Variants in ADAMTS9 observed in about 807,000 individuals in gnomAD.
The protein encoded by ADAMTS9 is ADAM metallopeptidase with thrombospondin type 1 motif 9.
Under a neutral mutation model 257.1 loss-of-function variants are expected in ADAMTS9, and 107 were observed. The ratio of observed to expected loss-of-function variants is 0.42; its 90% CI spans 0.36 to 0.49. The LOEUF (loss-of-function observed/expected upper bound fraction) is 0.49, where lower values mean the gene tolerates loss of function less well. Ranked by LOEUF, ADAMTS9 falls within the 20% of genes least tolerant of loss-of-function variation. The pLI is 0.03. For missense variants in ADAMTS9, 2,353 were observed against 2,469.1 expected, an observed-to-expected ratio of 0.95 and a Z score of 1.00; for synonymous variants, 982 against 880.9, an observed-to-expected ratio of 1.11 and a Z score of -2.03.
intron 3 of ADAMTS9, among the ~76,000 whole-genome samples, chr3:64,669,428 T>C (rs1458756046): frequency 6.6e-6 from 1 of 152,170 alleles, no homozygotes; most frequent in African/African-American, 2.4e-5. Flanking sequence ...GTAAGAGGCC[T>C]GTGTTCAATT....
intron 16 of ADAMTS9, among the ~76,000 whole-genome samples, chr3:64,629,593 G>A (rs572170068): frequency 1.3e-5 from 2 of 152,304 alleles, no homozygotes; most frequent in East Asian, 3.9e-4. Flanking sequence ...TTGGTATCCC[G>A]ATTTGCCTTA....
intron 28 of ADAMTS9, among the ~76,000 whole-genome samples, chr3:64,579,436 T>A (rs1272322212): frequency 6.6e-6 from 1 of 152,198 alleles, no homozygotes; most frequent in African/African-American, 2.4e-5. Context: ...CTCCTATCCT[T>A]CTTCCCTAAT....
At chr3:64,598,385 A>G (rs1559784659) in intron 26 of ADAMTS9, among the ~76,000 whole-genome samples, 1 of 149,360 alleles carries the variant, frequency 6.7e-6, no homozygotes, top group Admixed American at 6.7e-5. Context: ...TGGTGCGATC[A>G]CAGGTTACTA....
At chr3:64,560,887 A>G (rs2083409466) in intron 30 of ADAMTS9, among the ~76,000 whole-genome samples, 1 of 151,792 alleles carries the variant, frequency 6.6e-6, no homozygotes, top group Admixed American at 6.6e-5. Flanking sequence ...CCCCTTTTCT[A>G]CAGTTTAATC....
At chr3:64,631,679 G>A (rs1010357616) in intron 15 of ADAMTS9, 129 bp from the exon 16 acceptor site, 16 of 1,167,982 alleles carry the variant, frequency 1.4e-5, no homozygotes, top group East Asian at 2.4e-5. Flanking sequence ...CCTTCTAGTC[G>A]ATGGATAATC....
chr3:64,633,953 A>G (rs1244911130), intron 12 of ADAMTS9, 74 bp from the exon 13 acceptor site: 2 of 1,339,348 alleles, frequency 1.5e-6, no homozygotes, highest in South Asian at 2.8e-5. Flanking sequence ...TCCTTCATTC[A>G]TGACTTCCTG....
intron 3 of ADAMTS9, among the ~76,000 whole-genome samples, chr3:64,673,113 C>G (rs369283911): frequency 2.1e-5 from 3 of 141,234 alleles, no homozygotes; most frequent in East Asian, 4.0e-4. Context: ...AGGTTTGTGT[C>G]AGTGCACTCT....
intron 37 of ADAMTS9, among the ~76,000 whole-genome samples, chr3:64,534,778 G>T (rs1386064134): frequency 5.2e-3 from 3 of 572 alleles, no homozygotes; most frequent in Middle Eastern, 0.12. Flanking sequence ...CACAACTGTG[G>T]GGGGGCAGGG....
At chr3:64,679,526 G>A (rs1434676627) in intron 3 of ADAMTS9, among the ~76,000 whole-genome samples, 1 of 152,176 alleles carries the variant, frequency 6.6e-6, no homozygotes, top group African/African-American at 2.4e-5. Flanking sequence ...TGCATGTACA[G>A]AATAAAACAA....
chr3:64,557,070 A>G (rs2106946471), intron 30 of ADAMTS9, among the ~76,000 whole-genome samples: 1 of 152,220 alleles, frequency 6.6e-6, no homozygotes, highest in East Asian at 1.9e-4. Context: ...TGAGTGGAGG[A>G]GCATCTGACT....
At chr3:64,668,668 G>C (rs573259514) in intron 3 of ADAMTS9, among the ~76,000 whole-genome samples, 12 of 152,262 alleles carry the variant, frequency 7.9e-5, no homozygotes, top group African/African-American at 2.2e-4. Flanking sequence ...CTGGAGGCAC[G>C]GGCTGTGCTG....
chr3:64,613,549 C>T (rs866722785), intron 21 of ADAMTS9, 40 bp from the exon 22 acceptor site: 1 of 1,588,078 alleles, frequency 6.3e-7, no homozygotes, highest in Non-Finnish European at 8.6e-7. Flanking sequence ...CATTTCTGAT[C>T]AATGTGTTGT....
At position 64,598,258 on chromosome 3, in the gene ADAMTS9, G is replaced by A. The variant is rs540403929; in HGVS notation, c.4018-1267C>T. On this transcript the variant is annotated intron_variant, in intron 26 of 39. Coordinates refer to ENST00000498707, the MANE Select transcript of ADAMTS9 (RefSeq NM_182920.2). Reference sequence around the variant, plus strand: ...TAGGTATTTTTCAAGTTATAAAAATGTTACCTCTATCTTTGATGATTCTGG... The same window carrying A: ...TAGGTATTTTTCAAGTTATAAAAATATTACCTCTATCTTTGATGATTCTGG... Among the ~76,000 whole-genome samples, 5 of 150,718 alleles carry A rather than the reference G, an allele frequency of 3.3e-5. No individual in the cohort carries two copies. The East Asian group carries it at 5.8e-4, about 18-fold the overall frequency.
In ADAMTS9 at chr3:64,548,598, G is replaced by GA. The variant is rs1017077962; in HGVS notation, c.4870-1647_4870-1646insT. Among the ~76,000 whole-genome samples, 11 of 151,742 alleles carry GA rather than the reference G, an allele frequency of 7.2e-5. No homozygotes were observed. The South Asian group carries it at 1.3e-3, about 17-fold the overall frequency. ...AAGTCGTCCCCTGGCTATTTATGTG[G>GA]GGGGGAGCCCAGTGGGAGACAGGCA... is the stretch of plus-strand genomic sequence containing the variant. On this transcript the variant is annotated intron_variant, in intron 31 of 39. Coordinates refer to ENST00000498707, the MANE Select transcript of ADAMTS9 (RefSeq NM_182920.2).
At chr3:64,536,154 A>C (rs2083047204) in intron 37 of ADAMTS9, among the ~76,000 whole-genome samples, 1 of 152,200 alleles carries the variant, frequency 6.6e-6, no homozygotes, top group Non-Finnish European at 1.5e-5. Context: ...GCCTTCCCAG[A>C]GGGGTTGATG....
At chr3:64,612,516 A>G (rs999031204) in intron 22 of ADAMTS9, among the ~76,000 whole-genome samples, 1 of 152,204 alleles carries the variant, frequency 6.6e-6, no homozygotes, top group Non-Finnish European at 1.5e-5. Flanking sequence ...GTGCCATAAT[A>G]AAACTGCTTC....
chr3:64,580,820 T>C lies in ADAMTS9; in HGVS notation c.4357-12285A>G, dbSNP rs1173883460. 3.3e-5 allele frequency among the ~76,000 whole-genome samples: 5 copies of C among 152,202 alleles called. 1 individual carries two copies. Among genetic ancestry groups the C allele is most frequent in the Non-Finnish European group, 7.4e-5 (5 of 68,018 alleles). ...TCCAAGGACCCAGTCCCAGGGACTTTTATAAAGCAAAAGAGGGCTGAACTG... is the reference window on the plus strand; with the variant it reads ...TCCAAGGACCCAGTCCCAGGGACTTCTATAAAGCAAAAGAGGGCTGAACTG... On this transcript the variant is annotated intron_variant, in intron 28 of 39. Coordinates refer to ENST00000498707, the MANE Select transcript of ADAMTS9 (RefSeq NM_182920.2).
intron 16 of ADAMTS9, among the ~76,000 whole-genome samples, chr3:64,628,359 G>A (rs142244083): frequency 7.2e-5 from 11 of 152,270 alleles, no homozygotes; most frequent in African/African-American, 2.6e-4. Flanking sequence ...AGAAAGGGAA[G>A]AATAGCAGAG....
intron 15 of ADAMTS9, 116 bp downstream of exon 15, chr3:64,631,692 C>T: frequency 8.4e-7 from 1 of 1,192,694 alleles, no homozygotes; most frequent in Non-Finnish European, 1.2e-6. Context: ...GGATAATCCA[C>T]CATAACGAGA....
Sources: allele counts gnomAD v4.1 joint callset (sites outside exome capture counted in the v4.1 genomes callset), GRCh38; gene constraint gnomAD v4.1.1; transcripts MANE v1.5; gene names NCBI Gene and HGNC (gene_info 2026-07-23, HGNC 2026-07-21).